NRG1: variants seen among roughly 807,000 people sequenced by gnomAD.
The protein encoded by NRG1 is pro-neuregulin-1, membrane-bound isoform.
In NRG1, 18 loss-of-function variants were observed where a neutral mutation model predicts 63.8. The observed-to-expected ratio is 0.28, with a 90% CI of 0.19 to 0.42. The LOEUF (loss-of-function observed/expected upper bound fraction) is 0.42. Ranked by LOEUF, NRG1 falls within the 10% of genes least tolerant of loss-of-function variation. The pLI is 1.00. For missense variants in NRG1, 762 were observed against 814.7 expected (o/e 0.94, Z 0.79); for synonymous variants, 302 against 301.3 (o/e 1.00, Z -0.02).
chr8:32,542,536 G>A (rs1832675946), intron 1 of NRG1, among the ~76,000 whole-genome samples: 1 of 152,216 alleles, frequency 6.6e-6, no homozygotes, highest in Admixed American at 6.5e-5. Flanking sequence ...TTCCCTTGAA[G>A]CCTGAATGTT....
chr8:32,177,523 C>G (rs527702564), intron 1 of NRG1, among the ~76,000 whole-genome samples: 7 of 151,964 alleles, frequency 4.6e-5, no homozygotes, highest in Admixed American at 3.3e-4. Flanking sequence ...AGGTGTTTGT[C>G]CTAATGCTCT....
chr8:32,605,858 A>T (rs1443397814), intron 3 of NRG1, among the ~76,000 whole-genome samples, 175 bp downstream of exon 3: 1 of 152,140 alleles, frequency 6.6e-6, no homozygotes, highest in Non-Finnish European at 1.5e-5. Flanking sequence ...TCTGTACTCT[A>T]TGAGATTATA....
chr8:32,437,123 C>CTCACTTA (rs1818890692), intron 1 of NRG1, among the ~76,000 whole-genome samples: 1 of 152,106 alleles, frequency 6.6e-6, no homozygotes, highest in East Asian at 1.9e-4. Context: ...ACTTCCTAAA[C>CTCACTTA]TCACTTAGAC....
chr8:31,792,451 A>G (rs566841272), intron 1 of NRG1, among the ~76,000 whole-genome samples: 1 of 152,376 alleles, frequency 6.6e-6, no homozygotes, highest in Non-Finnish European at 1.5e-5. Flanking sequence ...AGAATTTGTC[A>G]GTTTTCTGTC....
At chr8:32,618,749 G>A (rs1171057855) in intron 5 of NRG1, among the ~76,000 whole-genome samples, 4 of 152,232 alleles carry the variant, frequency 2.6e-5, no homozygotes, top group Admixed American at 1.3e-4. Flanking sequence ...CTAGTAACAC[G>A]ATATATTAGA....
chr8:32,728,198 G>T, intron 6 of NRG1, 120 bp downstream of exon 6: 1 of 1,516,130 alleles, frequency 6.6e-7, no homozygotes, highest in East Asian at 2.3e-5. Flanking sequence ...GAATAATGCT[G>T]TTTTATATGT....
At chr8:32,574,003 T>C (rs1839146417) in intron 1 of NRG1, among the ~76,000 whole-genome samples, 1 of 152,228 alleles carries the variant, frequency 6.6e-6, no homozygotes, top group African/African-American at 2.4e-5. Flanking sequence ...TATGGCTGCA[T>C]AGTATTCCAT....
At chr8:32,708,100 C>T (rs955077905) in intron 5 of NRG1, among the ~76,000 whole-genome samples, 1 of 147,574 alleles carries the variant, frequency 6.8e-6, no homozygotes, top group Non-Finnish European at 1.5e-5. Flanking sequence ...CCAAAAGACT[C>T]CTAATTAAGT....
At chr8:31,742,712 T>A (rs1382898056) in intron 1 of NRG1, among the ~76,000 whole-genome samples, 1 of 151,932 alleles carries the variant, frequency 6.6e-6, no homozygotes, top group Non-Finnish European at 1.5e-5. Flanking sequence ...AAGTAGCAGC[T>A]CATTTTCAAA....
At chr8:32,231,647 T>C (rs987811106) in intron 1 of NRG1, among the ~76,000 whole-genome samples, 1 of 152,068 alleles carries the variant, frequency 6.6e-6, no homozygotes, top group Non-Finnish European at 1.5e-5. Context: ...ACACCTGTAA[T>C]CCTAGCACTT....
At chr8:32,449,010 A>G (rs1458756485) in intron 1 of NRG1, among the ~76,000 whole-genome samples, 2 of 152,088 alleles carry the variant, frequency 1.3e-5, no homozygotes, top group Non-Finnish European at 1.5e-5. Flanking sequence ...GTCCAAAGCC[A>G]TCGGCCGGGC....
exon 3 of NRG1, chr8:32,605,592 A>G (rs755651207): frequency 1.7e-5 from 28 of 1,613,394 alleles, no homozygotes; most frequent in Non-Finnish European, 2.3e-5. Context: ...ACAAAGCATC[A>G]CTGGCTGATT....
At chr8:32,514,978 A>G (rs1304855464) in intron 1 of NRG1, among the ~76,000 whole-genome samples, 2 of 78,998 alleles carry the variant, frequency 2.5e-5, no homozygotes, top group Non-Finnish European at 4.8e-5. Context: ...ACTGTGTAGT[A>G]TTCCATGGTG....
intron 1 of NRG1, among the ~76,000 whole-genome samples, chr8:32,299,454 C>T (rs1426339918): frequency 6.6e-6 from 1 of 152,098 alleles, no homozygotes; most frequent in African/African-American, 2.4e-5. Context: ...CTCAAAAGTA[C>T]TCTTATAAAG....
intron 1 of NRG1, among the ~76,000 whole-genome samples, chr8:32,352,157 T>A (rs1265525115): frequency 7.2e-6 from 1 of 138,708 alleles, no homozygotes; most frequent in East Asian, 2.3e-4. Flanking sequence ...ATTTGCGGGA[T>A]TACGACAGTG....
chr8:31,780,173 C>G (rs1402491658), intron 1 of NRG1, among the ~76,000 whole-genome samples: 1 of 152,172 alleles, frequency 6.6e-6, no homozygotes, highest in East Asian at 1.9e-4. Flanking sequence ...TATGGATGAC[C>G]TGTACTTGGG....
intron 1 of NRG1, among the ~76,000 whole-genome samples, chr8:31,713,335 C>T (rs1008231142): frequency 1.3e-5 from 2 of 151,958 alleles, no homozygotes; most frequent in East Asian, 3.9e-4. Flanking sequence ...TCAGGATGGT[C>T]TCGATCTCCT....
chr8:31,830,991 G>A (rs1022490351), intron 1 of NRG1, among the ~76,000 whole-genome samples: 2 of 152,044 alleles, frequency 1.3e-5, no homozygotes, highest in African/African-American at 4.8e-5. Context: ...CAACTTGGGT[G>A]TCATTACCAA....
chr8:32,112,335 G>A (rs775222390), intron 1 of NRG1, among the ~76,000 whole-genome samples: 1 of 152,204 alleles, frequency 6.6e-6, no homozygotes, highest in Non-Finnish European at 1.5e-5. Context: ...TTCATTGTAG[G>A]AAAATCTTGT....
Sources: gnomAD v4.1 joint callset for allele counts (sites outside exome capture counted in the v4.1 genomes callset) on GRCh38, gnomAD v4.1.1 for gene constraint, MANE v1.5 for transcripts, NCBI Gene and HGNC (gene_info 2026-07-23, HGNC 2026-07-21) for gene names.